RABEP1: variants seen among roughly 807,000 people sequenced by gnomAD.
The protein encoded by RABEP1 is rab GTPase-binding effector protein 1.
A neutral mutation model predicts 123.4 loss-of-function variants in RABEP1; 51 were observed. The ratio of observed to expected loss-of-function variants is 0.41; its 90% CI spans 0.33 to 0.52. The LOEUF is 0.52. Among genes scored for constraint, RABEP1 ranks in the 20% least tolerant of loss-of-function variants. RABEP1 has a pLI of 0.16. For synonymous variants in RABEP1, 347 were observed against 355.2 expected (o/e 0.98, Z 0.26); for missense variants, 888 against 996.3 (o/e 0.89, Z 1.46).
rs1272620167 is a variant in RABEP1 at position 5,363,610 on chromosome 17, T to G, written c.1668+594T>G. ...CACCCTGCCCCTTCCGCCTAAGGCC[T>G]AAAAGTGATTTTAAGTACATGGCAA... On this transcript the variant is annotated intron_variant, in intron 10 of 17. Coordinates refer to ENST00000537505, the MANE Select transcript of RABEP1 (RefSeq NM_004703.6). Among the ~76,000 whole-genome samples the G allele has an allele frequency of 5.3e-5, 8 of 152,280 alleles. No homozygotes were observed. The East Asian group carries it at 1.5e-3, about 29-fold the overall frequency.
chr17:5,367,333 A>C (rs183321273), intron 11 of RABEP1, among the ~76,000 whole-genome samples: 1 of 151,458 alleles, frequency 6.6e-6, no homozygotes, highest in Admixed American at 6.6e-5. Flanking sequence ...GTGCAGTGGC[A>C]CGATCTTGGC....
At chr17:5,369,966 T>C (rs972757934) in intron 12 of RABEP1, among the ~76,000 whole-genome samples, 1 of 152,194 alleles carries the variant, frequency 6.6e-6, no homozygotes, top group Non-Finnish European at 1.5e-5. Flanking sequence ...CCCAAAGTGC[T>C]GGGATTACAG....
intron 5 of RABEP1, among the ~76,000 whole-genome samples, chr17:5,340,199 G>T (rs946988403): frequency 6.6e-6 from 1 of 152,196 alleles, no homozygotes; most frequent in South Asian, 2.1e-4. Context: ...CCAAGAGTGA[G>T]ATGGTATCGC....
At chr17:5,355,742 C>T (rs1597379859) in intron 8 of RABEP1, among the ~76,000 whole-genome samples, 1 of 152,120 alleles carries the variant, frequency 6.6e-6, no homozygotes, top group South Asian at 2.1e-4. Flanking sequence ...CCCATGCTTA[C>T]AGATTGTTTG....
At chr17:5,347,885 C>A (rs919184720) in intron 6 of RABEP1, among the ~76,000 whole-genome samples, 1 of 152,180 alleles carries the variant, frequency 6.6e-6, no homozygotes, top group Non-Finnish European at 1.5e-5. Flanking sequence ...AGACTACCAA[C>A]CTTCCTAATA....
At chr17:5,286,210 G>T (rs1028316072) in intron 1 of RABEP1, among the ~76,000 whole-genome samples, 1 of 152,098 alleles carries the variant, frequency 6.6e-6, no homozygotes, top group Non-Finnish European at 1.5e-5. Context: ...AAGTGATATT[G>T]TTTGGCCGGG....
chr17:5,349,072 A>G (rs1382014734), intron 6 of RABEP1, among the ~76,000 whole-genome samples: 1 of 151,764 alleles, frequency 6.6e-6, no homozygotes, highest in Admixed American at 6.6e-5. Flanking sequence ...CTTGGCAACC[A>G]CTAATCTACT....
intron 12 of RABEP1, among the ~76,000 whole-genome samples, chr17:5,371,912 C>T (rs748050431): frequency 1.3e-5 from 2 of 152,036 alleles, no homozygotes; most frequent in African/African-American, 2.4e-5. Context: ...CAGCAAAACA[C>T]GTGGCATAGA....
At chr17:5,382,303 A>C (rs183257624) in intron 17 of RABEP1, among the ~76,000 whole-genome samples, 3 of 151,408 alleles carry the variant, frequency 2.0e-5, no homozygotes, top group Non-Finnish European at 1.5e-5. Context: ...GCTGGTCTCA[A>C]ACTCCTGACC....
Position 5,354,348 on chromosome 17 carries a change from C to A in RABEP1, c.964-11C>A. 1 of 1,596,452 alleles carries A rather than the reference C, an allele frequency of 6.3e-7. No individual in the cohort carries two copies. The highest frequency in any genetic ancestry group is 8.5e-7 in the Non-Finnish European group (1 of 1,173,768). On this transcript the variant is annotated splice_polypyrimidine_tract_variant and intron_variant, in intron 7 of 17. Transcript: ENST00000537505. The stretch of plus-strand genomic sequence containing the variant: ...ACTTGGGTCATATATATGTTTTTTT[C>A]TTCCTTTTAGGAGGATGATGAACAA...
intron 1 of RABEP1, among the ~76,000 whole-genome samples, chr17:5,295,566 C>T (rs1419941095): frequency 1.3e-5 from 2 of 151,876 alleles, no homozygotes; most frequent in African/African-American, 2.4e-5. Context: ...CAAATACTTC[C>T]CTCTGCTAAA....
At chr17:5,342,168 C>A (rs1333838912) in intron 5 of RABEP1, among the ~76,000 whole-genome samples, 1 of 151,522 alleles carries the variant, frequency 6.6e-6, no homozygotes, top group African/African-American at 2.4e-5. Flanking sequence ...CAGTGATAAC[C>A]AGTTGAAGAA....
At chr17:5,354,307 A>T in intron 7 of RABEP1, 52 bp from the exon 8 acceptor site, 1 of 1,500,888 alleles carries the variant, frequency 6.7e-7, no homozygotes, top group Non-Finnish European at 9.0e-7. Flanking sequence ...GAACTGTGTC[A>T]CTTATTAAGT....
chr17:5,378,844 G>A (rs1032155093), intron 15 of RABEP1, among the ~76,000 whole-genome samples: 2 of 152,118 alleles, frequency 1.3e-5, no homozygotes, highest in African/African-American at 4.8e-5. Context: ...TCTGGTTTCA[G>A]CAGCTTCATG....
chr17:5,329,437 A>G (rs1467048541), intron 2 of RABEP1, among the ~76,000 whole-genome samples: 5 of 152,244 alleles, frequency 3.3e-5, no homozygotes, highest in Non-Finnish European at 7.3e-5. Context: ...AGGCTGAAGC[A>G]GGACAATCTG....
At chr17:5,334,550 G>A (rs1906876739) in intron 3 of RABEP1, among the ~76,000 whole-genome samples, 2 of 152,132 alleles carry the variant, frequency 1.3e-5, no homozygotes, top group Admixed American at 1.3e-4. Flanking sequence ...ATCTTTGGTA[G>A]AGATGGGGTT....
At chr17:5,331,462 A>G (rs1906540144) in intron 2 of RABEP1, among the ~76,000 whole-genome samples, 1 of 152,210 alleles carries the variant, frequency 6.6e-6, no homozygotes, top group South Asian at 2.1e-4. Flanking sequence ...CTTAGTATTT[A>G]AAAGATGGTA....
At chr17:5,370,418 G>A (rs945151205) in intron 12 of RABEP1, among the ~76,000 whole-genome samples, 1 of 152,118 alleles carries the variant, frequency 6.6e-6, no homozygotes, top group Non-Finnish European at 1.5e-5. Context: ...TTACTTTTTA[G>A]TGGTGGTTTT....
At position 5,361,573 on chromosome 17, in the gene RABEP1, G is replaced by A. The variant is rs768225842; in HGVS notation, c.1461G>A (p.Ala487=). The A allele has an allele frequency of 4.3e-6, 7 of 1,614,144 alleles. No individual in the cohort carries two copies. Among genetic ancestry groups the A allele is most frequent in the Middle Eastern group, 1.6e-4 (1 of 6,062 alleles). ...KAMTPEQEET[A]SLLSSVTQGM... ...TGACACCAGAACAAGAAGAGACAGC[G>A]TCCCTCCTCTCCAGCGTTACCCAGG... Residue 487 remains alanine, a synonymous_variant, in exon 9 of 18, where the codon GCG becomes GCA. Coordinates refer to ENST00000537505, the MANE Select transcript of RABEP1 (RefSeq NM_004703.6).
Sources: gnomAD v4.1 joint callset for allele counts (sites outside exome capture counted in the v4.1 genomes callset) on GRCh38, gnomAD v4.1.1 for gene constraint, MANE v1.5 for transcripts, NCBI Gene and HGNC (gene_info 2026-07-23, HGNC 2026-07-21) for gene names.